The following ACSBG1 variants were observed in gnomAD, a reference collection of about 807,000 sequenced individuals.
The protein encoded by ACSBG1 is acyl-CoA synthetase bubblegum family member 1, also known as long-chain-fatty-acid--CoA ligase ACSBG1.
ACSBG1 carries 39 observed loss-of-function variants against 80.2 expected under a neutral mutation model. The ratio of observed to expected loss-of-function variants is 0.49; its 90% CI spans 0.38 to 0.64. ACSBG1 has a LOEUF of 0.64. Among genes scored for constraint, ACSBG1 ranks in the 30% least tolerant of loss-of-function variants. The probability of loss-of-function intolerance (pLI) is 0.00; values close to 1 mark genes in which losing one functional copy is unlikely to be tolerated. For synonymous variants in ACSBG1, 392 were observed against 379.5 expected (o/e 1.03, Z -0.38); for missense variants, 828 against 966.4 (o/e 0.86, Z 1.90).
intron 3 of ACSBG1, 120 bp downstream of exon 3, chr15:78,194,386 T>C: frequency 1.1e-6 from 1 of 924,572 alleles, no homozygotes; most frequent in Non-Finnish European, 1.6e-6. Context: ...ATGACAGCTT[T>C]TACAGTTATT....
Position 78,173,717 on chromosome 15 carries a change from C to G in ACSBG1, c.1965G>C (p.Glu655Asp). 6.2e-7 allele frequency: 1 copy of G among 1,614,242 alleles called. No individual in the cohort carries two copies. Among genetic ancestry groups the G allele is most frequent in the South Asian group, 1.1e-5 (1 of 91,084 alleles). Residue 655 changes from glutamate to aspartate, a missense_variant, in exon 13 of 14, where the codon GAG becomes GAC. This residue lies in a region of ACSBG1 where 201 missense variants were observed against 227.0 expected (regional missense o/e 0.89). Transcript: ENST00000258873. ...TVSEIIEKKD[E>D]AVYQAIEEGI... ...CCTCTTCGATGGCCTGGTACACGGC[C>G]TCATCCTTCTTCTCTATGATCTCGG...
rs2074957011 is a variant in ACSBG1 at position 78,182,490 on chromosome 15, C to T, written c.870G>A (p.Lys290=). Residue 290 remains lysine (K), a synonymous_variant, in exon 7 of 14, where the codon AAG becomes AAA. Coordinates refer to ENST00000258873, the MANE Select transcript of ACSBG1 (RefSeq NM_015162.5). ...VYTSGTTGNP[K]GVMLSQDNIT... ...CATTGTCTTGACTCAGCATCACGCCCTTGGGGTTCCCAGTGGTGCCGGAAG... is the reference window on the plus strand; with the variant it reads ...CATTGTCTTGACTCAGCATCACGCCTTTGGGGTTCCCAGTGGTGCCGGAAG... The T allele has an allele frequency of 3.7e-6, 6 of 1,614,122 alleles. No individual in the cohort carries two copies. Among genetic ancestry groups the T allele is most frequent in the African/African-American group, 1.3e-5 (1 of 74,950 alleles).
At chr15:78,215,720 GAAAGAGAAAGAAAGAA>G (rs1253924521) in intron 1 of ACSBG1, among the ~76,000 whole-genome samples, 1 of 120,652 alleles carries the variant, frequency 8.3e-6, no homozygotes, top group African/African-American at 3.3e-5. Context: ...GAGAAAGAAA[GAAAGAGAAAGAAAGAA>G]AGAAAGAAAG....
chr15:78,180,883 C>G lies in ACSBG1; in HGVS notation c.1125G>C (p.Val375=). The G allele has an allele frequency of 1.2e-6, 2 of 1,614,236 alleles. No individual in the cohort carries two copies. The highest frequency in any genetic ancestry group is 1.7e-6 in the Non-Finnish European group (2 of 1,180,046). ...CCATGATCTTCTCCCATACCCGGGG[C>G]ACCCCCATGTGTGATGTGGGCTCCA... ...REVEPTSHMG[V]PRVWEKIMER... is the part of the protein sequence containing the mutation. Residue 375 remains valine (V), a synonymous_variant, in exon 9 of 14, where the codon GTG becomes GTC. Transcript: ENST00000258873.
At chr15:78,181,224 T>G in intron 8 of ACSBG1, 21 of 395,144 alleles carry the variant, frequency 5.3e-5, no homozygotes, top group South Asian at 7.8e-5. Flanking sequence ...AAGAATCCCA[T>G]TCCCCTCGGC....
chr15:78,206,941 T>G (rs1341006396), intron 2 of ACSBG1, among the ~76,000 whole-genome samples: 1 of 152,180 alleles, frequency 6.6e-6, no homozygotes, highest in Non-Finnish European at 1.5e-5. Context: ...ACTCAGGACT[T>G]GCTGAGCTCC....
intron 1 of ACSBG1, among the ~76,000 whole-genome samples, chr15:78,215,266 G>C (rs2075298131): frequency 6.6e-6 from 1 of 152,178 alleles, no homozygotes; most frequent in Non-Finnish European, 1.5e-5. Flanking sequence ...AATTGTCACT[G>C]ATACTTGACG....
At chr15:78,204,188 C>G (rs932828092) in intron 2 of ACSBG1, among the ~76,000 whole-genome samples, 2 of 152,232 alleles carry the variant, frequency 1.3e-5, no homozygotes, top group African/African-American at 4.8e-5. Flanking sequence ...GTTTCCCCAT[C>G]TGAATTACAA....
rs543911373 is a variant in ACSBG1 at position 78,178,672 on chromosome 15, C to T, written c.1644G>A (p.Thr548=). Residue 548 remains threonine (T), a synonymous_variant, in exon 11 of 14, where the codon ACG becomes ACA. Coordinates refer to ENST00000258873, the MANE Select transcript of ACSBG1 (RefSeq NM_015162.5). The surrounding 1 kb of genome is among the most constrained non-coding windows in gnomAD (Gnocchi z 4.3). Reference sequence around the variant, plus strand: ...CGGCGTCCAGGCGGCCAGCATCACCCGTGTGCAGCCAGCCTTCCTCGTCGA... The same window carrying T: ...CGGCGTCCAGGCGGCCAGCATCACCTGTGTGCAGCCAGCCTTCCTCGTCGA... The part of the protein sequence containing the change: ...EAIDEEGWLH[T]GDAGRLDADG... 33 of 1,614,008 alleles carry T rather than the reference C, an allele frequency of 2.0e-5. No homozygotes were observed. The highest frequency in any genetic ancestry group is 1.6e-4 in the Middle Eastern group (1 of 6,062).
intron 1 of ACSBG1, among the ~76,000 whole-genome samples, chr15:78,234,031 C>A (rs537146847): frequency 2.1e-4 from 32 of 152,198 alleles, no homozygotes; most frequent in Non-Finnish European, 4.1e-4. Flanking sequence ...CTGTCTTTGA[C>A]CCCCGCAGGC....
intron 1 of ACSBG1, among the ~76,000 whole-genome samples, chr15:78,228,634 A>G (rs570515301): frequency 6.6e-6 from 1 of 152,326 alleles, no homozygotes; most frequent in South Asian, 2.1e-4. Flanking sequence ...GTCTAGGACC[A>G]GGGTTGGTTT....
intron 1 of ACSBG1, among the ~76,000 whole-genome samples, chr15:78,208,657 C>A (rs2075239937): frequency 6.6e-6 from 1 of 152,164 alleles, no homozygotes; most frequent in African/African-American, 2.4e-5. Flanking sequence ...TGTGGGTGCA[C>A]CATGCACCCC....
chr15:78,178,533 C>T lies in ACSBG1; in HGVS notation c.1702+81G>A. On this transcript the variant is annotated intron_variant, in intron 11 of 13. Transcript: ENST00000258873. This position sits in a 1 kb window ranked among gnomAD's most constrained non-coding sequence, Gnocchi z 4.3. ...CCCAGGGTGGTCTTGAACTCCTGAGCTCAGACAATCTGCCCGCCTTGGCCT... is the reference window on the plus strand; with the variant it reads ...CCCAGGGTGGTCTTGAACTCCTGAGTTCAGACAATCTGCCCGCCTTGGCCT... 3 of 1,474,424 alleles carry T rather than the reference C, an allele frequency of 2.0e-6. No homozygotes were observed. The South Asian group carries it at 4.0e-5, about 19-fold the overall frequency. The allele number at this position is 1,474,424 out of a possible 1,614,324, so 91.3% of individuals were successfully genotyped here.
intron 4 of ACSBG1, 23 bp from the exon 5 acceptor site, chr15:78,193,649 C>A (rs779986108): frequency 7.5e-6 from 12 of 1,607,866 alleles, no homozygotes. Flanking sequence ...CAGGAAGATT[C>A]ACCTTAGGGG....
chr15:78,189,966 C>A (rs1389955116), intron 5 of ACSBG1, among the ~76,000 whole-genome samples: 3 of 151,356 alleles, frequency 2.0e-5, no homozygotes, highest in Non-Finnish European at 4.4e-5. Flanking sequence ...TAATACAAAT[C>A]TTTAAAAAAA....
At chr15:78,204,342 G>C (rs11854348) in intron 2 of ACSBG1, among the ~76,000 whole-genome samples, 2 of 152,222 alleles carry the variant, frequency 1.3e-5, no homozygotes, top group African/African-American at 4.8e-5. Context: ...CTGTAAAGGT[G>C]AGCATGCTCA....
At chr15:78,182,872 T>C (rs1398904620) in intron 5 of ACSBG1, 87 bp from the exon 6 acceptor site, 1 of 1,448,346 alleles carries the variant, frequency 6.9e-7, no homozygotes, top group African/African-American at 1.4e-5. Flanking sequence ...TGAGTCGGCT[T>C]AGTAAAGGTC....
At position 78,170,172 on chromosome 15, in the gene ACSBG1, C is replaced by T. The variant is rs1174135716; in HGVS notation, c.*1272G>A. The T allele has an allele frequency of 1.3e-5, 2 of 152,218 alleles. No homozygotes were observed. The highest frequency in any genetic ancestry group is 1.3e-4 in the Admixed American group (2 of 15,278). 9.4% of individuals were successfully genotyped at this position (152,218 alleles called of 1,614,324 possible). A position where few individuals can be genotyped will look rare whatever the true frequency, so the allele number is the denominator to read the frequency against. On this transcript the variant is annotated 3_prime_UTR_variant, in exon 14 of 14. Coordinates refer to ENST00000258873, the MANE Select transcript of ACSBG1 (RefSeq NM_015162.5). ...TCAGCTTTTGACCCTCAGGCATCTC[C>T]TTTCCCTTCCTGTCTTCCTCTCCCT...
chr15:78,216,208 C>T (rs1342714728), intron 1 of ACSBG1, among the ~76,000 whole-genome samples: 1 of 152,182 alleles, frequency 6.6e-6, no homozygotes, highest in African/African-American at 2.4e-5. Context: ...TGATTTAGCA[C>T]CTCCTCTGTG....
Sources: gnomAD v4.1 joint callset for allele counts (sites outside exome capture counted in the v4.1 genomes callset) on GRCh38, gnomAD v4.1.1 for gene constraint, gnomAD v4.1.1 regional missense constraint, Gnocchi (gnomAD v3.1) non-coding constraint, MANE v1.5 for transcripts, NCBI Gene and HGNC (gene_info 2026-07-23, HGNC 2026-07-21) for gene names.